The following JMY variants were observed in gnomAD, a reference collection of about 807,000 sequenced individuals.
The protein encoded by JMY is junction-mediating and -regulatory protein.
A neutral mutation model predicts 103.3 loss-of-function variants in JMY; 46 were observed. That is an observed-to-expected ratio of 0.45 (90% CI 0.35 to 0.57). The LOEUF (loss-of-function observed/expected upper bound fraction) is 0.57. JMY is among the 20% of genes least tolerant of loss of function. JMY has a pLI of 0.00. For synonymous variants in JMY, 526 were observed against 489.3 expected (o/e 1.07, Z -0.99); for missense variants, 1,238 against 1,255.2 (o/e 0.99, Z 0.21).
chr5:79,265,141 G>A (rs1745548435), intron 1 of JMY, among the ~76,000 whole-genome samples: 1 of 152,132 alleles, frequency 6.6e-6, no homozygotes, highest in Non-Finnish European at 1.5e-5. Flanking sequence ...AGCCAGGATG[G>A]TCTTGATCTC....
chr5:79,322,538 T>C lies in JMY; in HGVS notation c.*936T>C, dbSNP rs1309734554. On this transcript the variant is annotated 3_prime_UTR_variant, in exon 11 of 11. Coordinates refer to ENST00000396137, the MANE Select transcript of JMY (RefSeq NM_152405.5). ...CCATTTTAAGTTTTTATTTTTATGC[T>C]CCACAGTGAAAAGCATGTGCTCTAC... 6.6e-6 allele frequency: 1 copy of C among 152,188 alleles called. No homozygotes were observed. The highest frequency in any genetic ancestry group is 1.5e-5 in the Non-Finnish European group (1 of 68,024). The allele number at this position is 152,188 out of a possible 1,614,324, so 9.4% of individuals were successfully genotyped here.
Position 79,316,173 on chromosome 5 carries a change from G to A in JMY, c.2833G>A (p.Glu945Lys), listed in dbSNP as rs776845377. The A allele has an allele frequency of 1.2e-6, 2 of 1,614,074 alleles. No individual in the cohort carries two copies. The highest frequency in any genetic ancestry group is 1.1e-5 in the South Asian group (1 of 91,068). ...GAAGGTACAGAAGGATGTTTTGAGAGAATCCTTCACACTTCTACCCGATAC... is the reference window on the plus strand; with the variant it reads ...GAAGGTACAGAAGGATGTTTTGAGAAAATCCTTCACACTTCTACCCGATAC... ...LKKVQKDVLRESFTLLPDTDP... is the reference protein window; with the variant it reads ...LKKVQKDVLRKSFTLLPDTDP... The change falls in exon 10 of 11, where the codon GAA becomes AAA. Residue 945 changes from glutamate to lysine, a missense_variant. Physicochemically the swap from Glu to Lys is moderately conservative, Grantham distance 56. Coordinates refer to ENST00000396137, the MANE Select transcript of JMY (RefSeq NM_152405.5).
intron 10 of JMY, among the ~76,000 whole-genome samples, 151 bp downstream of exon 10, chr5:79,316,461 T>C (rs577002523): frequency 6.6e-6 from 1 of 152,336 alleles, no homozygotes; most frequent in East Asian, 1.9e-4. Flanking sequence ...ACTTCAGGTT[T>C]TACTTAATTC....
At chr5:79,284,520 G>C in intron 2 of JMY, 1 of 1,585,092 alleles carries the variant, frequency 6.3e-7, no homozygotes, top group Non-Finnish European at 8.6e-7. Flanking sequence ...AACAGACGAA[G>C]CAAGTAACCA....
At chr5:79,284,443 C>T (rs1251937784) in intron 2 of JMY, 2 of 1,548,208 alleles carry the variant, frequency 1.3e-6, no homozygotes, top group Non-Finnish European at 8.8e-7. Context: ...TTTGGCGGAC[C>T]CGTTGGTGCT....
At chr5:79,295,770 C>T (rs115460819) in intron 4 of JMY, among the ~76,000 whole-genome samples, 156 of 152,250 alleles carry the variant, frequency 1.0e-3, no homozygotes, top group African/African-American at 3.7e-3. Flanking sequence ...GGTCCTTGTC[C>T]AGGCAAGGAG....
chr5:79,266,384 C>G (rs1283460584), intron 1 of JMY, among the ~76,000 whole-genome samples: 1 of 152,142 alleles, frequency 6.6e-6, no homozygotes, highest in African/African-American at 2.4e-5. Context: ...AAATATCGTT[C>G]TTTCTTGACT....
At chr5:79,237,774 A>G in intron 1 of JMY, 92 bp downstream of exon 1, 1 of 1,139,408 alleles carries the variant, frequency 8.8e-7, no homozygotes, top group South Asian at 1.6e-5. Context: ...GGGTGTGCGC[A>G]GTAGGACGGT....
chr5:79,273,474 TATA>T (rs1161207131), intron 1 of JMY, among the ~76,000 whole-genome samples: 18 of 152,254 alleles, frequency 1.2e-4, no homozygotes, highest in African/African-American at 4.3e-4. Flanking sequence ...GTAGTTTGAC[TATA>T]ATATGATAAA....
chr5:79,242,809 T>C lies in JMY; in HGVS notation c.1032+5127T>C, dbSNP rs1186561988. Among the ~76,000 whole-genome samples the C allele has an allele frequency of 2.7e-5, 4 of 150,708 alleles. No homozygotes were observed. The East Asian group carries it at 7.8e-4, about 29-fold the overall frequency. ...TTTTTTTTTTTTTTTTTAAAGACAG[T>C]GTCTCACTCTGTTGCCCAGGCTGGA... On this transcript the variant is annotated intron_variant, in intron 1 of 10. Coordinates refer to ENST00000396137, the MANE Select transcript of JMY (RefSeq NM_152405.5).
chr5:79,316,100 T>A lies in JMY; in HGVS notation c.2760T>A (p.Asp920Glu). 6.2e-7 allele frequency: 1 copy of A among 1,614,146 alleles called. No homozygotes were observed. The highest frequency in any genetic ancestry group is 8.5e-7 in the Non-Finnish European group (1 of 1,179,946). Residue 920 changes from aspartate (D) to glutamate (E), a missense_variant, in exon 10 of 11, where the codon GAT becomes GAA. Transcript: ENST00000396137. ...CTCTGCCTCCTTTTCCTGATGAAGA[T>A]GATAGTAATAATATCTTGGCACAAA... ...QRTLPPFPDE[D>E]DSNNILAQIR...
chr5:79,311,067 T>C (rs1747033507), intron 7 of JMY, among the ~76,000 whole-genome samples: 1 of 152,074 alleles, frequency 6.6e-6, no homozygotes, highest in South Asian at 2.1e-4. Context: ...TCATGTGTGG[T>C]GTATCTTTGT....
intron 7 of JMY, among the ~76,000 whole-genome samples, chr5:79,311,786 C>T (rs1474840284): frequency 6.6e-6 from 1 of 152,060 alleles, no homozygotes; most frequent in Non-Finnish European, 1.5e-5. Context: ...TTTCTAACTG[C>T]TGGTTATATT....
chr5:79,306,500 T>G lies in JMY; in HGVS notation c.1968+39T>G, dbSNP rs771248903. ...CGAAGATTTTGAACAAAACTTAATT[T>G]TTTTGCATGTTTTAGAGTGGATAAA... On this transcript the variant is annotated intron_variant, in intron 7 of 10. Transcript: ENST00000396137. 3.6e-6 allele frequency: 5 copies of G among 1,390,416 alleles called. No individual in the cohort carries two copies. In the East Asian group the frequency reaches 1.1e-4, roughly 32 times the overall value. 86.1% of individuals were successfully genotyped at this position (1,390,416 alleles called of 1,614,324 possible). A position where few individuals can be genotyped will look rare whatever the true frequency, so the allele number is the denominator to read the frequency against.
chr5:79,282,884 A>T (rs988324254), intron 2 of JMY, among the ~76,000 whole-genome samples: 7 of 152,062 alleles, frequency 4.6e-5, no homozygotes, highest in Admixed American at 4.6e-4. Context: ...GATTTATAGA[A>T]GATGAGAGGA....
rs1744528147 is a variant in JMY, at chr5:79,236,950, G to C, written c.300G>C (p.Arg100Ser). The change falls in exon 1 of 11, where the codon AGG becomes AGC. Residue 100 changes from arginine (R) to serine (S), a missense_variant. Arg to Ser is a moderately radical substitution (Grantham distance 110). Transcript: ENST00000396137. ...PEATASATLV[R>S]SPGPRRSSAW... is the part of the protein sequence containing the mutation. ...CCACTGCCTCTGCAACTCTGGTTAG[G>C]AGCCCCGGGCCCCGGCGGAGCTCGG... is the stretch of plus-strand genomic sequence containing the variant. 6.9e-7 allele frequency: 1 copy of C among 1,447,956 alleles called. No homozygotes were observed. The highest frequency in any genetic ancestry group is 9.1e-7 in the Non-Finnish European group (1 of 1,103,494). The allele number at this position is 1,447,956 out of a possible 1,614,324, so 89.7% of individuals were successfully genotyped here.
chr5:79,238,888 C>T (rs535588820), intron 1 of JMY, among the ~76,000 whole-genome samples: 3 of 152,132 alleles, frequency 2.0e-5, no homozygotes, highest in East Asian at 1.9e-4. Context: ...TGGTCTCGAT[C>T]TCCTGACCTC....
intron 1 of JMY, 75 bp downstream of exon 1, chr5:79,237,757 C>A: frequency 7.3e-7 from 1 of 1,367,476 alleles, no homozygotes; most frequent in Non-Finnish European, 1.0e-6. Context: ...GCTGGAGCCT[C>A]GGTGTCGGGT....
At chr5:79,261,019 A>C (rs929446120) in intron 1 of JMY, among the ~76,000 whole-genome samples, 20 of 152,254 alleles carry the variant, frequency 1.3e-4, no homozygotes, top group African/African-American at 4.6e-4. Flanking sequence ...AATGGTAAAG[A>C]TATTACTTAT....
Sources: allele counts gnomAD v4.1 joint callset (sites outside exome capture counted in the v4.1 genomes callset), GRCh38; gene constraint gnomAD v4.1.1; transcripts MANE v1.5; gene names NCBI Gene and HGNC (gene_info 2026-07-23, HGNC 2026-07-21).